The following PTPRD variants were observed in gnomAD, a reference collection of about 807,000 sequenced individuals.
PTPRD encodes the protein protein tyrosine phosphatase receptor type D.
Under a neutral mutation model 214.5 loss-of-function variants are expected in PTPRD, and 34 were observed. That is an observed-to-expected ratio of 0.16 (90% CI 0.12 to 0.21). PTPRD has a LOEUF of 0.21. Ranked by LOEUF, PTPRD falls within the 10% of genes least tolerant of loss-of-function variation. The pLI, the probability that PTPRD is intolerant of heterozygous loss-of-function variation, is 1.00. For synonymous variants in PTPRD, 1,128 were observed against 845.7 expected (o/e 1.33, Z -5.79); for missense variants, 2,545 against 2,398.7 (o/e 1.06, Z -1.27).
chr9:10,435,638 T>C (rs146879930), intron 2 of PTPRD, among the ~76,000 whole-genome samples: 64 of 152,038 alleles, frequency 4.2e-4, no homozygotes, highest in Admixed American at 2.7e-3. Flanking sequence ...TTGAAGACAC[T>C]TTAAGAATTG....
intron 8 of PTPRD, among the ~76,000 whole-genome samples, chr9:9,550,054 T>A (rs1333289491): frequency 6.6e-6 from 1 of 152,084 alleles, no homozygotes; most frequent in African/African-American, 2.4e-5. Context: ...AATATATTTT[T>A]AAAATGTGAT....
At chr9:8,384,636 C>T (rs1160667385) in intron 37 of PTPRD, among the ~76,000 whole-genome samples, 1 of 152,178 alleles carries the variant, frequency 6.6e-6, no homozygotes, top group African/African-American at 2.4e-5. Context: ...AAGCGATTCT[C>T]CTGCCTCCGC....
intron 32 of PTPRD, among the ~76,000 whole-genome samples, chr9:8,461,887 C>T (rs532797899): frequency 1.6e-4 from 24 of 151,996 alleles, no homozygotes; most frequent in Non-Finnish European, 2.8e-4. Context: ...TGGTCTCAAA[C>T]AATCCTCCAG....
chr9:8,456,670 G>T (rs2096215205), intron 33 of PTPRD, among the ~76,000 whole-genome samples: 1 of 152,196 alleles, frequency 6.6e-6, no homozygotes, highest in Non-Finnish European at 1.5e-5. Context: ...CAGAGAGCCA[G>T]TGTTGGAGCA....
intron 12 of PTPRD, among the ~76,000 whole-genome samples, chr9:8,704,206 A>G (rs1040387160): frequency 2.0e-5 from 3 of 152,090 alleles, no homozygotes; most frequent in Non-Finnish European, 4.4e-5. Flanking sequence ...TCCACACCAG[A>G]GCCAGCAACG....
rs996292436 is a variant in PTPRD, at chr9:9,484,102, A to G, written c.-236-86620T>C. On this transcript the variant is annotated intron_variant, in intron 8 of 45. Coordinates refer to ENST00000381196, the MANE Select transcript of PTPRD (RefSeq NM_002839.4). Reference sequence around the variant, plus strand: ...AAAGAAAAATCTTTAAGAATTGGAAAAAGTAATGGGTTAATAAGAGATTGA... The same window carrying G: ...AAAGAAAAATCTTTAAGAATTGGAAGAAGTAATGGGTTAATAAGAGATTGA... Among the ~76,000 whole-genome samples, 14 of 152,102 alleles carry G rather than the reference A, an allele frequency of 9.2e-5. No homozygotes were observed. The East Asian group carries it at 2.7e-3, about 29-fold the overall frequency.
At chr9:10,157,317 G>C (rs949263444) in intron 3 of PTPRD, among the ~76,000 whole-genome samples, 2 of 152,120 alleles carry the variant, frequency 1.3e-5, no homozygotes, top group African/African-American at 2.4e-5. Context: ...CTCTTGTAAG[G>C]CTGGTCTGGT....
chr9:8,724,428 C>T (rs1028880584), intron 12 of PTPRD, among the ~76,000 whole-genome samples: 3 of 152,150 alleles, frequency 2.0e-5, no homozygotes, highest in East Asian at 1.9e-4. Flanking sequence ...ACATCTACTC[C>T]GTAACTTCCA....
chr9:10,036,770 G>C (rs561859645), intron 3 of PTPRD, among the ~76,000 whole-genome samples: 16 of 152,076 alleles, frequency 1.1e-4, no homozygotes, highest in African/African-American at 3.4e-4. Flanking sequence ...TTTTAGTAGA[G>C]ACAGGGTTTC....
At chr9:9,525,948 T>C (rs1452735301) in intron 8 of PTPRD, among the ~76,000 whole-genome samples, 1 of 152,164 alleles carries the variant, frequency 6.6e-6, no homozygotes, top group Non-Finnish European at 1.5e-5. Context: ...TCCTCATATG[T>C]TCCTTTCAAA....
At chr9:8,456,688 G>A (rs542505162) in intron 33 of PTPRD, among the ~76,000 whole-genome samples, 29 of 152,118 alleles carry the variant, frequency 1.9e-4, no homozygotes, top group African/African-American at 7.0e-4. Context: ...GCAGGAAAAG[G>A]CTGGAAAAAC....
intron 2 of PTPRD, among the ~76,000 whole-genome samples, chr9:10,371,229 C>T (rs1535659): frequency 0.88 from 133,124 of 151,868 alleles, 58,404 homozygotes; most frequent in African/African-American, 0.92. Flanking sequence ...TATTTAAATA[C>T]CTTACAGTCT....
intron 11 of PTPRD, among the ~76,000 whole-genome samples, chr9:8,944,141 T>C (rs959913981): frequency 1.3e-5 from 2 of 151,792 alleles, no homozygotes; most frequent in African/African-American, 4.8e-5. Context: ...CAAAAAGGAA[T>C]ATGGAAAGAT....
At chr9:9,439,933 T>C (rs767171378) in intron 8 of PTPRD, among the ~76,000 whole-genome samples, 4 of 152,208 alleles carry the variant, frequency 2.6e-5, no homozygotes, top group Non-Finnish European at 5.9e-5. Context: ...GGATTCAAAC[T>C]TGATGTCAAA....
At chr9:9,306,535 G>A (rs1209607250) in intron 9 of PTPRD, among the ~76,000 whole-genome samples, 12 of 124,434 alleles carry the variant, frequency 9.6e-5, no homozygotes, top group East Asian at 2.4e-4. Flanking sequence ...CTGCACTCCC[G>A]TCTGGGCGAC....
intron 9 of PTPRD, among the ~76,000 whole-genome samples, chr9:9,372,736 C>T (rs1053037344): frequency 2.5e-4 from 38 of 152,048 alleles, no homozygotes; most frequent in African/African-American, 8.5e-4. Context: ...GGCATGTTTT[C>T]GCAGTGGCTG....
chr9:9,198,268 C>T (rs1166959219), intron 9 of PTPRD, among the ~76,000 whole-genome samples: 1 of 152,086 alleles, frequency 6.6e-6, no homozygotes, highest in African/African-American at 2.4e-5. Context: ...GTGCAATTAA[C>T]TGGGTTGAAA....
At chr9:10,605,734 T>C (rs1055671658) in intron 2 of PTPRD, among the ~76,000 whole-genome samples, 2 of 151,866 alleles carry the variant, frequency 1.3e-5, no homozygotes, top group African/African-American at 4.8e-5. Flanking sequence ...TCAAAAATTT[T>C]ATGATAACGT....
intron 3 of PTPRD, among the ~76,000 whole-genome samples, chr9:10,144,185 T>G (rs921498413): frequency 6.6e-6 from 1 of 152,250 alleles, no homozygotes; most frequent in Middle Eastern, 3.4e-3. Flanking sequence ...TTTTAACAAT[T>G]CTTAAGAAAC....
Sources: allele counts gnomAD v4.1 joint callset (sites outside exome capture counted in the v4.1 genomes callset), GRCh38; gene constraint gnomAD v4.1.1; transcripts MANE v1.5; gene names NCBI Gene and HGNC (gene_info 2026-07-23, HGNC 2026-07-21).